Variants in PACSIN1 observed in about 807,000 individuals in gnomAD.
PACSIN1 encodes protein kinase C and casein kinase substrate in neurons protein 1.
Under a neutral mutation model 59.5 loss-of-function variants are expected in PACSIN1, and 15 were observed. The observed-to-expected ratio is 0.25, with a 90% confidence interval of 0.17 to 0.39. The LOEUF (loss-of-function observed/expected upper bound fraction) is 0.39, where lower values mean the gene tolerates loss of function less well. PACSIN1 is among the 10% of genes least tolerant of loss of function. PACSIN1 has a pLI of 1.00. For synonymous variants in PACSIN1, 210 were observed against 220.6 expected, an observed-to-expected ratio of 0.95 and a Z score of 0.42; for missense variants, 420 against 580.2, an observed-to-expected ratio of 0.72 and a Z score of 2.84.
At chr6:34,485,317 G>C (rs1287198691) in intron 1 of PACSIN1, among the ~76,000 whole-genome samples, 3 of 152,186 alleles carry the variant, frequency 2.0e-5, no homozygotes, top group Admixed American at 6.5e-5. Flanking sequence ...CCGTCTGGCA[G>C]ATAGACAGTA....
At position 34,528,678 on chromosome 6, in the gene PACSIN1, C is replaced by T; in HGVS notation, c.257C>T (p.Ala86Val). 1 of 1,613,890 alleles carries T rather than the reference C, an allele frequency of 6.2e-7. No homozygotes were observed. The highest frequency in any genetic ancestry group is 1.1e-5 in the South Asian group (1 of 91,068). ...QYGSLERAWG[A>V]IMTEADKVSE... is the part of the protein sequence containing the mutation. Reference sequence around the variant, plus strand: ...GGCAGCCTGGAGCGGGCCTGGGGTGCCATAATGACAGAGGCAGACAAGGTG... The same window carrying T: ...GGCAGCCTGGAGCGGGCCTGGGGTGTCATAATGACAGAGGCAGACAAGGTG... Residue 86 changes from alanine to valine, a missense_variant, in exon 4 of 10, where the codon GCC becomes GTC. Transcript: ENST00000244458.
intron 1 of PACSIN1, among the ~76,000 whole-genome samples, chr6:34,478,832 A>G (rs1303910292): frequency 6.6e-6 from 1 of 152,154 alleles, no homozygotes; most frequent in Non-Finnish European, 1.5e-5. Flanking sequence ...GCCCAGGTAA[A>G]TTAAAAGGAC....
intron 1 of PACSIN1, among the ~76,000 whole-genome samples, chr6:34,519,563 G>A (rs1767352331): frequency 6.6e-6 from 1 of 152,142 alleles, no homozygotes; most frequent in Admixed American, 6.5e-5. Flanking sequence ...GAGGAGGGGA[G>A]AAGGGGAGCC....
chr6:34,530,714 G>A lies in PACSIN1; in HGVS notation c.1037+127G>A, dbSNP rs966853561. On this transcript the variant is annotated intron_variant, in intron 8 of 9. Transcript: ENST00000244458. The surrounding 1 kb of genome is among the most constrained non-coding windows in gnomAD (Gnocchi z 4.4). Reference sequence around the variant, plus strand: ...CTATGTCTCCTCTCTAAAAGATAGTGGTAGTTCATCACTCTAAAGCAGCCG... The same window carrying A: ...CTATGTCTCCTCTCTAAAAGATAGTAGTAGTTCATCACTCTAAAGCAGCCG... The A allele has an allele frequency of 9.6e-7, 1 of 1,046,120 alleles. No homozygotes were observed. Among genetic ancestry groups the A allele is most frequent in the Non-Finnish European group, 1.3e-6 (1 of 781,858 alleles). The allele number at this position is 1,046,120 out of a possible 1,614,324, so 64.8% of individuals were successfully genotyped here.
rs56754772 is a variant in PACSIN1, at chr6:34,490,226, CTTTTTT to C, written c.-64+23972_-64+23977del. ...CCACCACACCTGGCTAATTTAAAAA[CTTTTTT>C]TTTTTTTTTTTTTTTGTAGAGACAG... On this transcript the variant is annotated intron_variant, in intron 1 of 9. Coordinates refer to ENST00000244458, the MANE Select transcript of PACSIN1 (RefSeq NM_020804.5). 8.6e-3 allele frequency among the ~76,000 whole-genome samples: 880 copies of C among 102,692 alleles called. 4 individuals carry two copies. Among genetic ancestry groups the C allele is most frequent in the Non-Finnish European group, 0.013 (685 of 53,994 alleles). The allele number at this position is 102,692 out of a possible 152,430, so 67.4% of individuals were successfully genotyped here. A position where few individuals can be genotyped will look rare whatever the true frequency, so the allele number is the denominator to read the frequency against.
chr6:34,491,936 A>G (rs1214594512), intron 1 of PACSIN1, among the ~76,000 whole-genome samples: 1 of 152,124 alleles, frequency 6.6e-6, no homozygotes, highest in African/African-American at 2.4e-5. Flanking sequence ...AATCCACCAC[A>G]TTGATTCCCT....
intron 1 of PACSIN1, among the ~76,000 whole-genome samples, chr6:34,480,249 G>T (rs1766697513): frequency 1.6e-5 from 2 of 128,276 alleles, no homozygotes; most frequent in Non-Finnish European, 1.6e-5. Flanking sequence ...TTTTGAGAAA[G>T]GATCTCACTC....
At chr6:34,481,810 T>C (rs1766724202) in intron 1 of PACSIN1, among the ~76,000 whole-genome samples, 2 of 152,228 alleles carry the variant, frequency 1.3e-5, no homozygotes, top group African/African-American at 2.4e-5. Context: ...ATACGATTCA[T>C]ATACCATAAT....
chr6:34,528,981 C>T, intron 4 of PACSIN1, 104 bp downstream of exon 4: 1 of 879,266 alleles, frequency 1.1e-6, no homozygotes, highest in Non-Finnish European at 1.8e-6. Flanking sequence ...GGGCACTGCC[C>T]TCTGGGATTG....
In PACSIN1 at chr6:34,521,457, A is replaced by T. The variant is rs1203606258; in HGVS notation, c.-63-4786A>T. On this transcript the variant is annotated intron_variant, in intron 1 of 9. Transcript: ENST00000244458. The surrounding 1 kb of genome is among the most constrained non-coding windows in gnomAD (Gnocchi z 4.3). ...GGCCCTGCCCTCCAGGGTCTCCTAG[A>T]GGCAGCTTTCAGGAGATGCCTGGGC... Among the ~76,000 whole-genome samples, 2 of 152,158 alleles carry T rather than the reference A, an allele frequency of 1.3e-5. No individual in the cohort carries two copies. Among genetic ancestry groups the T allele is most frequent in the Non-Finnish European group, 2.9e-5 (2 of 68,002 alleles).
intron 1 of PACSIN1, among the ~76,000 whole-genome samples, chr6:34,505,006 AT>A (rs992997394): frequency 5.3e-5 from 8 of 149,578 alleles, no homozygotes; most frequent in South Asian, 2.1e-4. Context: ...ATTATTTTAG[AT>A]TTTTTTTTAG....
At chr6:34,469,344 C>A (rs1581952993) in intron 1 of PACSIN1, among the ~76,000 whole-genome samples, 1 of 152,202 alleles carries the variant, frequency 6.6e-6, no homozygotes, top group Non-Finnish European at 1.5e-5. Context: ...ATCAGACCCA[C>A]CCACCATGGG....
intron 1 of PACSIN1, among the ~76,000 whole-genome samples, chr6:34,478,284 C>T (rs1234247495): frequency 6.6e-6 from 1 of 150,554 alleles, no homozygotes; most frequent in Non-Finnish European, 1.5e-5. Flanking sequence ...TGGTCTTGAA[C>T]TCTTGACCTA....
chr6:34,489,204 T>C (rs1766836555), intron 1 of PACSIN1, among the ~76,000 whole-genome samples: 1 of 151,522 alleles, frequency 6.6e-6, no homozygotes, highest in Non-Finnish European at 1.5e-5. Context: ...AAAAAGTATA[T>C]TTTTATGGTG....
chr6:34,529,417 C>T lies in PACSIN1; in HGVS notation c.477C>T (p.Ala159=), dbSNP rs1404089266. ...CACAGCTGGAGGCAGCCAAGAAGGC[C>T]TACCATTTGGCTTGCAAAGAGGAAA... The part of the protein sequence containing the change: ...KMKELEAAKK[A]YHLACKEEKL... Residue 159 remains alanine (A), a synonymous_variant, in exon 5 of 10, where the codon GCC becomes GCT. Transcript: ENST00000244458. This position sits in a 1 kb window ranked among gnomAD's most constrained non-coding sequence, Gnocchi z 6.3. 2 of 1,614,064 alleles carry T rather than the reference C, an allele frequency of 1.2e-6. No homozygotes were observed. The highest frequency in any genetic ancestry group is 1.7e-6 in the Non-Finnish European group (2 of 1,180,040).
At position 34,529,328 on chromosome 6, in the gene PACSIN1, T is replaced by TTAATGGGTGACCATG. The variant is rs200674273; in HGVS notation, c.457-67_457-53dup. On this transcript the variant is annotated intron_variant, in intron 4 of 9. Coordinates refer to ENST00000244458, the MANE Select transcript of PACSIN1 (RefSeq NM_020804.5). This position sits in a 1 kb window ranked among gnomAD's most constrained non-coding sequence, Gnocchi z 6.3. ...TCCCAGGGAGTGGGCAGGGGAGGAG[T>TTAATGGGTGACCATG]TAATGGGTGACCATGTTTGCTGCTG... The TTAATGGGTGACCATG allele has an allele frequency of 0.012, 18,589 of 1,562,244 alleles. 154 individuals carry two copies. The highest frequency in any genetic ancestry group is 0.016 in the African/African-American group (1,142 of 73,076).
chr6:34,508,327 A>C (rs569828383), intron 1 of PACSIN1, among the ~76,000 whole-genome samples: 3 of 151,500 alleles, frequency 2.0e-5, no homozygotes, highest in African/African-American at 7.3e-5. Context: ...CTGTTCTCGA[A>C]CTCCTGACCT....
intron 1 of PACSIN1, among the ~76,000 whole-genome samples, chr6:34,512,883 T>C (rs1767228007): frequency 1.3e-5 from 2 of 152,236 alleles, no homozygotes; most frequent in Admixed American, 6.5e-5. Context: ...TCCCAGCCTA[T>C]CCACTGGCTG....
rs1767564241 is a variant in PACSIN1, at chr6:34,530,135, G to A, written c.789-108G>A. ...AGCCCACATGATTCCTGGCTGGGCA[G>A]CATGCCCAGCACCCTGCTTCCCTGA... On this transcript the variant is annotated intron_variant, in intron 6 of 9. Coordinates refer to ENST00000244458, the MANE Select transcript of PACSIN1 (RefSeq NM_020804.5). The surrounding 1 kb of genome is among the most constrained non-coding windows in gnomAD (Gnocchi z 4.4). 11 of 1,396,270 alleles carry A rather than the reference G, an allele frequency of 7.9e-6. No homozygotes were observed. Among genetic ancestry groups the A allele is most frequent in the Non-Finnish European group, 9.6e-6 (10 of 1,042,970 alleles). The allele number at this position is 1,396,270 out of a possible 1,614,324, so 86.5% of individuals were successfully genotyped here.
Sources: gnomAD v4.1 joint callset for allele counts (sites outside exome capture counted in the v4.1 genomes callset) on GRCh38, gnomAD v4.1.1 for gene constraint, Gnocchi (gnomAD v3.1) non-coding constraint, MANE v1.5 for transcripts, NCBI Gene and HGNC (gene_info 2026-07-23, HGNC 2026-07-21) for gene names.